The following ENPP1 variants were observed in gnomAD, a reference collection of about 807,000 sequenced individuals.
The protein encoded by ENPP1 is ectonucleotide pyrophosphatase/phosphodiesterase 1.
ENPP1 carries 73 observed loss-of-function variants against 122.8 expected under a neutral mutation model. That is an observed-to-expected ratio of 0.59 (90% confidence interval 0.49 to 0.72). The LOEUF is 0.72. Ranked by LOEUF, ENPP1 falls within the 30% of genes least tolerant of loss-of-function variation. The pLI, the probability that ENPP1 is intolerant of heterozygous loss-of-function variation, is 0.00. For synonymous variants in ENPP1, 367 were observed against 391.6 expected (o/e 0.94, Z 0.74); for missense variants, 978 against 1,128.1 (o/e 0.87, Z 1.91).
chr6:131,828,864 C>T (rs1439082247), intron 1 of ENPP1, among the ~76,000 whole-genome samples: 6 of 152,240 alleles, frequency 3.9e-5, no homozygotes, highest in East Asian at 1.9e-4. Context: ...GTTTATATCT[C>T]CCATTTCCTG....
chr6:131,846,564 C>T (rs755038995), intron 1 of ENPP1, among the ~76,000 whole-genome samples: 1 of 152,172 alleles, frequency 6.6e-6, no homozygotes, highest in East Asian at 1.9e-4. Context: ...CCACCCCAAC[C>T]TTTCTCCTTC....
Position 131,852,197 on chromosome 6 carries a change from A to G in ENPP1, c.579A>G (p.Glu193=). The G allele has an allele frequency of 6.2e-7, 1 of 1,606,828 alleles. No individual in the cohort carries two copies. The highest frequency in any genetic ancestry group is 8.5e-7 in the Non-Finnish European group (1 of 1,176,098). ...TAGGTGAGAAAAGTTGGGTAGAAGA[A>G]CCATGTGAGAGCATTAATGAGCCAC... ...VCQGEKSWVE[E]PCESINEPQC... The change falls in exon 5 of 25, where the codon GAA becomes GAG. Residue 193 remains glutamate, a synonymous_variant. Coordinates refer to ENST00000647893, the MANE Select transcript of ENPP1 (RefSeq NM_006208.3).
intron 2 of ENPP1, among the ~76,000 whole-genome samples, chr6:131,849,135 T>C (rs1562519393): frequency 6.6e-6 from 1 of 152,160 alleles, no homozygotes; most frequent in Non-Finnish European, 1.5e-5. Flanking sequence ...AGTAAAAAAC[T>C]GTCATGAAAA....
At chr6:131,837,381 C>G (rs1007698517) in intron 1 of ENPP1, among the ~76,000 whole-genome samples, 3 of 151,792 alleles carry the variant, frequency 2.0e-5, no homozygotes, top group African/African-American at 7.3e-5. Context: ...CAAAACTTAG[C>G]CGGGTGTGGT....
At chr6:131,826,417 T>C (rs1228228381) in intron 1 of ENPP1, 3 of 926,712 alleles carry the variant, frequency 3.2e-6, no homozygotes, top group East Asian at 2.4e-5. Context: ...AAAGAGCTGC[T>C]CTAGGTTAGA....
rs191845161 is a variant in ENPP1, at chr6:131,824,897, C to T, written c.240+16622C>T. On this transcript the variant is annotated intron_variant, in intron 1 of 24. Transcript: ENST00000647893. Reference sequence around the variant, plus strand: ...CAACATGGTGAAACCCCATGTCTACCAAAAATACAAAAATTAGCCTGTTGT... The same window carrying T: ...CAACATGGTGAAACCCCATGTCTACTAAAAATACAAAAATTAGCCTGTTGT... Among the ~76,000 whole-genome samples, 52 of 151,848 alleles carry T rather than the reference C, an allele frequency of 3.4e-4. No homozygotes were observed. In the East Asian group the frequency reaches 9.2e-3, roughly 27 times the overall value.
At chr6:131,863,237 C>A (rs1782045795) in intron 9 of ENPP1, among the ~76,000 whole-genome samples, 1 of 152,096 alleles carries the variant, frequency 6.6e-6, no homozygotes, top group African/African-American at 2.4e-5. Context: ...TTAATGGTAC[C>A]TCTGGATTTC....
At chr6:131,875,521 A>C (rs187613783) in intron 16 of ENPP1, among the ~76,000 whole-genome samples, 1 of 152,308 alleles carries the variant, frequency 6.6e-6, no homozygotes, top group African/African-American at 2.4e-5. Flanking sequence ...ATGAAAAAAA[A>C]ATGTTATCAT....
Position 131,883,762 on chromosome 6 carries a change from C to T in ENPP1, c.2299C>T (p.Gln767Ter), listed in dbSNP as rs768157097. Reference sequence around the variant, plus strand: ...TACTACAAATATAGTGCCAATGTACCAGAGTTTTCAAGGTAAATAATGTTA... The same window carrying T: ...TACTACAAATATAGTGCCAATGTACTAGAGTTTTCAAGGTAAATAATGTTA... ...LLTTNIVPMY[Q>*]SFQVIWRYFH... The change falls in exon 22 of 25, where the codon CAG becomes TAG. Residue 767 changes from glutamine to a stop codon, truncating the protein, a stop_gained. Transcript: ENST00000647893. LOFTEE classifies it high-confidence loss of function. The T allele has an allele frequency of 6.7e-7, 1 of 1,495,148 alleles. No individual in the cohort carries two copies. Among genetic ancestry groups the T allele is most frequent in the Non-Finnish European group, 9.3e-7 (1 of 1,072,446 alleles). 92.6% of individuals were successfully genotyped at this position (1,495,148 alleles called of 1,614,324 possible).
rs746852100 is a variant in ENPP1, at chr6:131,875,867, A to G, written c.1723+4A>G. On this transcript the variant is annotated splice_donor_region_variant and intron_variant, in intron 17 of 24. Coordinates refer to ENST00000647893, the MANE Select transcript of ENPP1 (RefSeq NM_006208.3). ...GAAGTCTATAACTTAATGTGTGGTA[A>G]GTGTGAACAGGTGCCTTTTTTCCCT... 6.2e-7 allele frequency: 1 copy of G among 1,608,342 alleles called. No individual in the cohort carries two copies. The highest frequency in any genetic ancestry group is 8.5e-7 in the Non-Finnish European group (1 of 1,174,720).
At chr6:131,882,780 T>C (rs963435647) in intron 21 of ENPP1, among the ~76,000 whole-genome samples, 1 of 151,450 alleles carries the variant, frequency 6.6e-6, no homozygotes, top group Non-Finnish European at 1.5e-5. Flanking sequence ...TTTCTTTTTG[T>C]TGGGAGGGTA....
rs375643491 is a variant in ENPP1 at position 131,836,641 on chromosome 6, A to T, written c.241-11135A>T. Reference sequence around the variant, plus strand: ...CATGACACTGACACAAATTAGAAGCAAGTACTGTTTGACATGATGGCATAC... The same window carrying T: ...CATGACACTGACACAAATTAGAAGCTAGTACTGTTTGACATGATGGCATAC... On this transcript the variant is annotated intron_variant, in intron 1 of 24. Coordinates refer to ENST00000647893, the MANE Select transcript of ENPP1 (RefSeq NM_006208.3). 9.7e-4 allele frequency among the ~76,000 whole-genome samples: 147 copies of T among 152,310 alleles called. 6 individuals are homozygous for T. The South Asian group carries it at 0.029, about 30-fold the overall frequency.
chr6:131,828,625 A>T (rs1781574900), intron 1 of ENPP1, among the ~76,000 whole-genome samples: 1 of 152,154 alleles, frequency 6.6e-6, no homozygotes, highest in Non-Finnish European at 1.5e-5. Context: ...ATGATGGATG[A>T]GGCTAATGAG....
intron 5 of ENPP1, among the ~76,000 whole-genome samples, chr6:131,853,965 G>C (rs997110251): frequency 6.6e-6 from 1 of 152,098 alleles, no homozygotes; most frequent in African/African-American, 2.4e-5. Flanking sequence ...TTAACTGTTT[G>C]TATATGTATG....
At chr6:131,844,439 A>C (rs778193992) in intron 1 of ENPP1, among the ~76,000 whole-genome samples, 4 of 152,252 alleles carry the variant, frequency 2.6e-5, no homozygotes, top group Non-Finnish European at 5.9e-5. Context: ...AAAATCTGCC[A>C]GTGATTAGCC....
chr6:131,828,518 A>G (rs549976252), intron 1 of ENPP1: 3 of 183,682 alleles, frequency 1.6e-5, no homozygotes, highest in African/African-American at 7.2e-5. Context: ...TAGACATACC[A>G]TCTCTGTGTT....
At chr6:131,883,323 T>G (rs1782336684) in intron 21 of ENPP1, among the ~76,000 whole-genome samples, 1 of 152,220 alleles carries the variant, frequency 6.6e-6, no homozygotes, top group African/African-American at 2.4e-5. Context: ...GTAGCAGGTG[T>G]TGTTCTGGAG....
chr6:131,867,789 A>T (rs1050383885), intron 11 of ENPP1, among the ~76,000 whole-genome samples: 2 of 152,166 alleles, frequency 1.3e-5, no homozygotes, highest in Non-Finnish European at 2.9e-5. Flanking sequence ...TGCATTGTTA[A>T]TGATCTGCAG....
chr6:131,812,904 A>G (rs754280033), intron 1 of ENPP1, among the ~76,000 whole-genome samples: 6 of 152,160 alleles, frequency 3.9e-5, no homozygotes, highest in Admixed American at 6.5e-5. Context: ...CAATAGCACA[A>G]TCTCGGCCCA....
Sources: allele counts gnomAD v4.1 joint callset (sites outside exome capture counted in the v4.1 genomes callset), GRCh38; gene constraint gnomAD v4.1.1; transcripts MANE v1.5; gene names NCBI Gene and HGNC (gene_info 2026-07-23, HGNC 2026-07-21).